NEBL: variants seen among roughly 807,000 people sequenced by gnomAD.
NEBL encodes the protein nebulette, also known as LIM and SH3 protein 2.
In NEBL, 122 loss-of-function variants were observed where a neutral mutation model predicts 140.2. That is an observed-to-expected ratio of 0.87 (90% confidence interval 0.75 to 1.01). The LOEUF is 1.01. Among genes scored for constraint, NEBL ranks in the 50% least tolerant of loss-of-function variants. NEBL has a pLI of 0.00. For synonymous variants in NEBL, 436 were observed against 398.9 expected (o/e 1.09, Z -1.11); for missense variants, 1,365 against 1,231.3 (o/e 1.11, Z -1.62).
intron 26 of NEBL, among the ~76,000 whole-genome samples, chr10:20,806,225 C>T (rs1239656189): frequency 6.6e-6 from 1 of 152,146 alleles, no homozygotes; most frequent in Non-Finnish European, 1.5e-5. Flanking sequence ...GCATGGTCTG[C>T]TGCTGCAGAG....
chr10:21,285,377 G>A (rs1156390251), intron 1 of NEBL, among the ~76,000 whole-genome samples: 2 of 152,156 alleles, frequency 1.3e-5, no homozygotes, highest in African/African-American at 4.8e-5. Flanking sequence ...GGCCTCCCTT[G>A]GAAAGGCTAA....
intron 3 of NEBL, among the ~76,000 whole-genome samples, chr10:21,232,136 TTCTC>T (rs541188669): frequency 2.0e-3 from 307 of 151,794 alleles, no homozygotes; most frequent in Middle Eastern, 3.4e-3. Flanking sequence ...TTGTTTTTTT[TTCTC>T]TCTCTCTCTC....
intron 3 of NEBL, among the ~76,000 whole-genome samples, chr10:21,207,283 A>G (rs989049510): frequency 2.6e-5 from 4 of 152,108 alleles, no homozygotes; most frequent in African/African-American, 4.8e-5. Flanking sequence ...CAAAAGCCAT[A>G]TAATTCTAAT....
rs553863478 is a variant in NEBL at position 20,817,774 on chromosome 10, C to T, written c.2056-82G>A. On this transcript the variant is annotated intron_variant, in intron 20 of 27. Coordinates refer to ENST00000377122, the MANE Select transcript of NEBL (RefSeq NM_006393.3). ...CACAAAGGACAAGGCTCAAAATTAGCACCATCTTTTTACACATTTTTTTCC... is the reference window on the plus strand; with the variant it reads ...CACAAAGGACAAGGCTCAAAATTAGTACCATCTTTTTACACATTTTTTTCC... 14 of 1,138,200 alleles carry T rather than the reference C, an allele frequency of 1.2e-5. No individual in the cohort carries two copies. In the South Asian group the frequency reaches 1.5e-4, roughly 12 times the overall value. 70.5% of individuals were successfully genotyped at this position (1,138,200 alleles called of 1,614,324 possible). A position where few individuals can be genotyped will look rare whatever the true frequency, so the allele number is the denominator to read the frequency against.
chr10:21,100,771 A>C (rs1199238795), intron 2 of NEBL, among the ~76,000 whole-genome samples: 1 of 151,980 alleles, frequency 6.6e-6, no homozygotes, highest in African/African-American at 2.4e-5. Flanking sequence ...TCCTTCCATG[A>C]CTCCGTTTCT....
intron 4 of NEBL, among the ~76,000 whole-genome samples, chr10:20,917,847 T>C (rs972398935): frequency 2.0e-5 from 3 of 152,200 alleles, no homozygotes; most frequent in African/African-American, 7.2e-5. Flanking sequence ...AGAAAAAATA[T>C]TCTTAACTTG....
chr10:20,882,040 TG>T (rs1486019185), intron 4 of NEBL, among the ~76,000 whole-genome samples: 13 of 152,034 alleles, frequency 8.6e-5, no homozygotes, highest in Non-Finnish European at 2.9e-5. Flanking sequence ...TAACCAGGTG[TG>T]GCAGCACATG....
chr10:21,157,614 A>G (rs1032166043), intron 2 of NEBL, among the ~76,000 whole-genome samples: 5 of 152,222 alleles, frequency 3.3e-5, no homozygotes, highest in Non-Finnish European at 5.9e-5. Context: ...GTTTTATAAA[A>G]TTCTTCAGTT....
intron 2 of NEBL, among the ~76,000 whole-genome samples, chr10:21,026,043 T>C (rs941416123): frequency 2.0e-5 from 3 of 152,218 alleles, no homozygotes; most frequent in African/African-American, 7.2e-5. Flanking sequence ...ATATTCCTGG[T>C]TCTCTCATGA....
At chr10:21,037,654 A>C (rs1309251914) in intron 2 of NEBL, among the ~76,000 whole-genome samples, 2 of 152,200 alleles carry the variant, frequency 1.3e-5, no homozygotes, top group Non-Finnish European at 2.9e-5. Context: ...GTCAAAACTC[A>C]TAGAATCATA....
intron 2 of NEBL, among the ~76,000 whole-genome samples, chr10:21,052,847 C>T (rs916708620): frequency 2.0e-5 from 3 of 152,190 alleles, no homozygotes; most frequent in South Asian, 2.1e-4. Flanking sequence ...AACCTGTTGT[C>T]ACCTAGTCCT....
intron 2 of NEBL, among the ~76,000 whole-genome samples, chr10:21,031,490 G>A (rs1564486797): frequency 6.6e-6 from 1 of 152,242 alleles, no homozygotes; most frequent in Non-Finnish European, 1.5e-5. Context: ...GGAGCAGTGA[G>A]ATGCAGCAAC....
chr10:20,982,181 A>G (rs1404035808), intron 3 of NEBL, among the ~76,000 whole-genome samples: 3 of 152,202 alleles, frequency 2.0e-5, no homozygotes, highest in African/African-American at 4.8e-5. Flanking sequence ...TCATTTGCAT[A>G]TGGTTTAGGA....
At chr10:20,844,176 C>T (rs41334046) in intron 12 of NEBL, among the ~76,000 whole-genome samples, 1,645 of 152,138 alleles carry the variant, frequency 0.011, 30 homozygotes, top group African/African-American at 0.037. Flanking sequence ...ACCAGTTAAA[C>T]GGTATGACCA....
At chr10:21,132,106 G>T (rs996256615) in intron 2 of NEBL, among the ~76,000 whole-genome samples, 1 of 151,936 alleles carries the variant, frequency 6.6e-6, no homozygotes, top group African/African-American at 2.4e-5. Context: ...ACCCCAAAAA[G>T]AAACTCAGTA....
intron 22 of NEBL, 42 bp downstream of exon 22, chr10:20,815,583 A>C (rs199978424): frequency 7.0e-7 from 1 of 1,426,144 alleles, no homozygotes; most frequent in African/African-American, 1.4e-5. Flanking sequence ...ATAATAAAAG[A>C]CACATCCTTT....
At chr10:21,015,188 G>T in intron 3 of NEBL, among the ~76,000 whole-genome samples, 1 of 152,094 alleles carries the variant, frequency 6.6e-6, no homozygotes, top group East Asian at 1.9e-4. Flanking sequence ...ATGCTCTACA[G>T]AAGACCAGGT....
At chr10:20,917,413 G>A (rs536318308) in intron 4 of NEBL, among the ~76,000 whole-genome samples, 3 of 152,152 alleles carry the variant, frequency 2.0e-5, no homozygotes, top group South Asian at 4.1e-4. Context: ...TATACCCATT[G>A]GCGTCACAAC....
At chr10:21,185,264 A>C (rs530879513) in intron 3 of NEBL, among the ~76,000 whole-genome samples, 14 of 152,252 alleles carry the variant, frequency 9.2e-5, no homozygotes, top group African/African-American at 2.9e-4. Context: ...GGCTCCTTAC[A>C]AGAGTGAAAG....
Sources: allele counts gnomAD v4.1 joint callset (sites outside exome capture counted in the v4.1 genomes callset), GRCh38; gene constraint gnomAD v4.1.1; transcripts MANE v1.5; gene names NCBI Gene and HGNC (gene_info 2026-07-23, HGNC 2026-07-21).